The following TRIP11 variants were observed in gnomAD, a reference collection of about 807,000 sequenced individuals.
TRIP11 encodes the protein thyroid receptor-interacting protein 11.
In TRIP11, 148 loss-of-function variants were observed where a neutral mutation model predicts 223.1. That is an observed-to-expected ratio of 0.66 (90% CI 0.58 to 0.76). The LOEUF (loss-of-function observed/expected upper bound fraction) is 0.76. TRIP11 is among the 30% of genes least tolerant of loss of function. The pLI is 0.00. For missense variants in TRIP11, 2,043 were observed against 2,222.0 expected (o/e 0.92, Z 1.62); for synonymous variants, 762 against 772.6 (o/e 0.99, Z 0.23).
Position 91,970,000 on chromosome 14 carries a change from G to C in TRIP11, c.5720-107C>G, listed in dbSNP as rs2056382149. ...GTTATCTGTGTAATATTGTTAAATT[G>C]ATTAGCATAGATAAATAAAAATAAT... On this transcript the variant is annotated intron_variant, in intron 20 of 20. Transcript: ENST00000267622. 3.6e-6 allele frequency: 4 copies of C among 1,098,922 alleles called. No individual in the cohort carries two copies. The Admixed American group carries it at 8.7e-5, about 24-fold the overall frequency. The allele number at this position is 1,098,922 out of a possible 1,614,324, so 68.1% of individuals were successfully genotyped here.
intron 2 of TRIP11, among the ~76,000 whole-genome samples, chr14:92,030,078 T>C (rs2057244297): frequency 6.6e-6 from 1 of 150,934 alleles, no homozygotes; most frequent in Admixed American, 6.6e-5. Flanking sequence ...GCGCCTGTAG[T>C]CCCAGCTACT....
chr14:92,034,371 C>T (rs1481043855), intron 1 of TRIP11, among the ~76,000 whole-genome samples: 1 of 150,752 alleles, frequency 6.6e-6, no homozygotes, highest in African/African-American at 2.5e-5. Context: ...TGCAGTGAGC[C>T]GACACTGTGC....
intron 7 of TRIP11, among the ~76,000 whole-genome samples, chr14:92,013,998 T>C (rs2057005931): frequency 6.6e-6 from 1 of 152,220 alleles, no homozygotes; most frequent in African/African-American, 2.4e-5. Flanking sequence ...TTACAGAAAG[T>C]ATAGCAATAC....
intron 15 of TRIP11, among the ~76,000 whole-genome samples, chr14:91,991,999 C>A (rs528791098): frequency 7.4e-6 from 1 of 134,810 alleles, no homozygotes; most frequent in African/African-American, 2.8e-5. Flanking sequence ...AGGAGAATCA[C>A]TTGAACCCAG....
At chr14:92,028,008 T>C (rs2057211922) in intron 2 of TRIP11, among the ~76,000 whole-genome samples, 1 of 152,216 alleles carries the variant, frequency 6.6e-6, no homozygotes, top group Admixed American at 6.5e-5. Context: ...CAACAGCTGA[T>C]TACCTTCTAT....
In TRIP11 at chr14:92,001,376, GT is replaced by G. The variant is rs34072505; in HGVS notation, c.4558-1269del. Among the ~76,000 whole-genome samples the G allele has an allele frequency of 4.6e-3, 621 of 135,256 alleles. 1 individual carries two copies. The highest frequency in any genetic ancestry group is 0.01 in the Admixed American group (140 of 13,750). The allele number at this position is 135,256 out of a possible 152,430, so 88.7% of individuals were successfully genotyped here. On this transcript the variant is annotated intron_variant, in intron 11 of 20. Transcript: ENST00000267622. Reference sequence around the variant, plus strand: ...CCAATATTTTCCAAATAGTTTTTCAGTTTTTTTTTTTTTTCACACTACAAAG... The same window carrying G: ...CCAATATTTTCCAAATAGTTTTTCAGTTTTTTTTTTTTTCACACTACAAAG...
intron 13 of TRIP11, among the ~76,000 whole-genome samples, chr14:91,998,810 G>A (rs2056783812): frequency 6.6e-6 from 1 of 151,990 alleles, no homozygotes; most frequent in Non-Finnish European, 1.5e-5. Flanking sequence ...TACTGACCTT[G>A]GTCTCTACTC....
rs116375237 is a variant in TRIP11, at chr14:91,987,251, G to A, written c.5260+1033C>T. ...AAGACTTTTGGTTTGGCAGTAACTT[G>A]CCTCAGAATCAAGTCATTTTGAGGA... On this transcript the variant is annotated intron_variant, in intron 16 of 20. Transcript: ENST00000267622. Among the ~76,000 whole-genome samples, 626 of 152,132 alleles carry A rather than the reference G, an allele frequency of 4.1e-3. 6 individuals carry two copies. Among genetic ancestry groups the A allele is most frequent in the African/African-American group, 0.014 (588 of 41,506 alleles).
intron 15 of TRIP11, among the ~76,000 whole-genome samples, 180 bp downstream of exon 15, chr14:91,993,629 C>T (rs963643553): frequency 3.9e-5 from 6 of 151,900 alleles, no homozygotes; most frequent in Non-Finnish European, 8.8e-5. Flanking sequence ...CTACTCTAAA[C>T]TATGACACCT....
At chr14:92,023,400 T>G (rs2057138977) in intron 3 of TRIP11, among the ~76,000 whole-genome samples, 1 of 152,256 alleles carries the variant, frequency 6.6e-6, no homozygotes, top group African/African-American at 2.4e-5. Context: ...TTATGTTTCA[T>G]ATACACCTTA....
At chr14:92,036,817 C>T (rs1158741564) in intron 1 of TRIP11, among the ~76,000 whole-genome samples, 1 of 152,154 alleles carries the variant, frequency 6.6e-6, no homozygotes, top group Non-Finnish European at 1.5e-5. Flanking sequence ...TCACTGGAGC[C>T]TTTAACTACT....
chr14:92,020,013 C>T (rs2057089550), intron 4 of TRIP11, among the ~76,000 whole-genome samples: 2 of 151,854 alleles, frequency 1.3e-5, no homozygotes, highest in African/African-American at 4.8e-5. Flanking sequence ...GTCTGTAATC[C>T]CAACACTTTG....
intron 10 of TRIP11, among the ~76,000 whole-genome samples, chr14:92,006,868 A>G (rs1040149394): frequency 6.6e-6 from 1 of 151,646 alleles, no homozygotes; most frequent in Non-Finnish European, 1.5e-5. Flanking sequence ...GGGTTTCTCC[A>G]TGTTGGTCAG....
Position 92,005,936 on chromosome 14 carries a change from T to C in TRIP11, c.2040A>G (p.Glu680=), listed in dbSNP as rs1271756681. The change falls in exon 11 of 21, where the codon GAA becomes GAG. Residue 680 remains glutamate (E), a synonymous_variant. Coordinates refer to ENST00000267622, the MANE Select transcript of TRIP11 (RefSeq NM_004239.4). ...KVAFDVKMEN[E]KLVLACEDVR... ...CATCTTCACATGCTAAAACTAACTT[T>C]TCATTTTCCATTTTGACATCAAAAG... is the stretch of plus-strand genomic sequence containing the variant. 13 of 1,613,566 alleles carry C rather than the reference T, an allele frequency of 8.1e-6. No homozygotes were observed. The Admixed American group carries it at 2.2e-4, about 27-fold the overall frequency.
In TRIP11 at chr14:92,039,642, G is replaced by C; in HGVS notation, c.44C>G (p.Ser15Cys). The part of the protein sequence containing the change: ...LGGLGSGLGQ[S>C]LGQVGGSLAS... ...CAGGCTGCCCCCGACTTGACCCAGA[G>C]ACTGGCCCAATCCGGAGCCGAGGCC... The change falls in exon 1 of 21, where the codon TCT becomes TGT. Residue 15 changes from serine (S) to cysteine (C), a missense_variant. Ser to Cys is a moderately radical substitution (Grantham distance 112, BLOSUM62 -1). Coordinates refer to ENST00000267622, the MANE Select transcript of TRIP11 (RefSeq NM_004239.4). 1 of 1,612,642 alleles carries C rather than the reference G, an allele frequency of 6.2e-7. No individual in the cohort carries two copies. Among genetic ancestry groups the C allele is most frequent in the Admixed American group, 1.7e-5 (1 of 59,798 alleles).
chr14:91,966,855 C>A lies in TRIP11; in HGVS notation c.*2818G>T, dbSNP rs2056346109. 4.6e-6 allele frequency: 1 copy of A among 218,680 alleles called. No individual in the cohort carries two copies. Among genetic ancestry groups the A allele is most frequent in the East Asian group, 6.7e-5 (1 of 14,846 alleles). 13.5% of individuals were successfully genotyped at this position (218,680 alleles called of 1,614,324 possible). A position where few individuals can be genotyped will look rare whatever the true frequency, so the allele number is the denominator to read the frequency against. On this transcript the variant is annotated 3_prime_UTR_variant, in exon 21 of 21. Coordinates refer to ENST00000267622, the MANE Select transcript of TRIP11 (RefSeq NM_004239.4). ...CTATGGCAGCGAAGGTGGAATTCAA[C>A]CACAAATTCTACTGAGTGGATAGAG... is the stretch of plus-strand genomic sequence containing the variant.
chr14:91,966,193 C>T lies in TRIP11; in HGVS notation c.*3480G>A, dbSNP rs1178245209. On this transcript the variant is annotated 3_prime_UTR_variant, in exon 21 of 21. Transcript: ENST00000267622. ...AGATATTTCCCTAAAAATCAAAAGA[C>T]AATTTAAATTGTTTTACATAGAGAA... The T allele has an allele frequency of 5.7e-6, 1 of 175,888 alleles. No individual in the cohort carries two copies. Among genetic ancestry groups the T allele is most frequent in the Non-Finnish European group, 1.2e-5 (1 of 81,504 alleles). The allele number at this position is 175,888 out of a possible 1,614,324, so 10.9% of individuals were successfully genotyped here. A position where few individuals can be genotyped will look rare whatever the true frequency, so the allele number is the denominator to read the frequency against.
At chr14:91,996,193 C>T (rs1375694962) in intron 13 of TRIP11, among the ~76,000 whole-genome samples, 2 of 152,116 alleles carry the variant, frequency 1.3e-5, no homozygotes, top group East Asian at 3.9e-4. Context: ...CTATCTATCT[C>T]TGTTAATGTG....
intron 9 of TRIP11, 135 bp downstream of exon 9, chr14:92,010,851 A>C (rs1595393166): frequency 1.2e-6 from 1 of 862,700 alleles, no homozygotes; most frequent in African/African-American, 1.7e-5. Context: ...TAGCCTGAAA[A>C]GCATCAGTGA....
Sources: allele counts gnomAD v4.1 joint callset (sites outside exome capture counted in the v4.1 genomes callset), GRCh38; gene constraint gnomAD v4.1.1; transcripts MANE v1.5; gene names NCBI Gene and HGNC (gene_info 2026-07-23, HGNC 2026-07-21).